Variants in CHCHD3 observed in about 807,000 individuals in gnomAD.
CHCHD3 encodes the protein MICOS complex subunit MIC19.
CHCHD3 carries 20 observed loss-of-function variants against 38.2 expected under a neutral mutation model. The ratio of observed to expected loss-of-function variants is 0.52; its 90% CI spans 0.37 to 0.76. The LOEUF is 0.76. Among genes scored for constraint, CHCHD3 ranks in the 30% least tolerant of loss-of-function variants. CHCHD3 has a pLI of 0.00. For synonymous variants in CHCHD3, 82 were observed against 100.0 expected, an observed-to-expected ratio of 0.82 and a Z score of 1.07; for missense variants, 245 against 279.2, an observed-to-expected ratio of 0.88 and a Z score of 0.87.
Position 133,035,191 on chromosome 7 carries a change from G to A in CHCHD3, c.170-10564C>T, listed in dbSNP as rs1562944454. 6.2e-7 allele frequency: 1 copy of A among 1,613,722 alleles called. No homozygotes were observed. Among genetic ancestry groups the A allele is most frequent in the Non-Finnish European group, 8.5e-7 (1 of 1,179,708 alleles). The stretch of plus-strand genomic sequence containing the variant: ...TTCTCCTCCTTCCGCTCAGCCTGGG[G>A]CTTCTGCTTCTCTTCCCGTGAACCC... On this transcript the variant is annotated intron_variant, in intron 2 of 7. Coordinates refer to ENST00000262570, the MANE Select transcript of CHCHD3 (RefSeq NM_017812.4). The surrounding 1 kb of genome is among the most constrained non-coding windows in gnomAD (Gnocchi z 4.7).
intron 3 of CHCHD3, among the ~76,000 whole-genome samples, chr7:132,984,680 G>C (rs573940354): frequency 1.3e-5 from 2 of 149,760 alleles, no homozygotes; most frequent in Admixed American, 6.6e-5. Context: ...CTGCCGCCCC[G>C]TCTGGGATGT....
At chr7:132,934,937 A>G (rs1810601182) in intron 4 of CHCHD3, among the ~76,000 whole-genome samples, 1 of 152,232 alleles carries the variant, frequency 6.6e-6, no homozygotes, top group Non-Finnish European at 1.5e-5. Context: ...TGGAGAAATA[A>G]TATTTTTGTA....
chr7:132,873,732 G>A (rs114255169), intron 5 of CHCHD3, among the ~76,000 whole-genome samples: 1 of 151,374 alleles, frequency 6.6e-6, no homozygotes, highest in South Asian at 2.1e-4. Context: ...TTCTATTTAG[G>A]TTAAAGATTG....
chr7:133,064,562 G>A (rs1814614083), intron 2 of CHCHD3, among the ~76,000 whole-genome samples: 3 of 152,166 alleles, frequency 2.0e-5, no homozygotes, highest in South Asian at 4.1e-4. Flanking sequence ...CAGATTCTGG[G>A]AGAAAAATAC....
At chr7:132,992,425 C>T in intron 3 of CHCHD3, among the ~76,000 whole-genome samples, 1 of 152,242 alleles carries the variant, frequency 6.6e-6, no homozygotes, top group East Asian at 1.9e-4. Flanking sequence ...CCCACAGAGC[C>T]TCTCCTCCAA....
In CHCHD3 at chr7:132,994,031, T is replaced by C. The variant is rs79470176; in HGVS notation, c.252-18745A>G. 4.8e-3 allele frequency among the ~76,000 whole-genome samples: 724 copies of C among 152,306 alleles called. 4 individuals carry two copies. The highest frequency in any genetic ancestry group is 5.6e-3 in the Non-Finnish European group (381 of 68,028). ...TTAAAGAATTTTAGGGCAGAGTTAA[T>C]AAGTAAAAAGTGCAAGATAGGGCAA... On this transcript the variant is annotated intron_variant, in intron 3 of 7. Transcript: ENST00000262570.
chr7:132,871,816 C>T (rs1256289064), intron 5 of CHCHD3, among the ~76,000 whole-genome samples: 1 of 152,184 alleles, frequency 6.6e-6, no homozygotes, highest in African/African-American at 2.4e-5. Flanking sequence ...TGCTCAACAT[C>T]CCCTCATCAT....
Position 132,788,860 on chromosome 7 carries a change from T to A in CHCHD3, c.661-3200A>T, listed in dbSNP as rs564993568. ...CCAGGGCTGATCTATAAACATTTTGTCAAACTGCACTCACTTGCTACCAAA... is the reference window on the plus strand; with the variant it reads ...CCAGGGCTGATCTATAAACATTTTGACAAACTGCACTCACTTGCTACCAAA... On this transcript the variant is annotated intron_variant, in intron 7 of 7. Transcript: ENST00000262570. This position sits in a 1 kb window ranked among gnomAD's most constrained non-coding sequence, Gnocchi z 4.0. 1.3e-5 allele frequency among the ~76,000 whole-genome samples: 2 copies of A among 152,282 alleles called. No individual in the cohort carries two copies. The highest frequency in any genetic ancestry group is 4.2e-4 in the South Asian group (2 of 4,816).
intron 2 of CHCHD3, among the ~76,000 whole-genome samples, chr7:133,040,579 T>C (rs1813807123): frequency 6.6e-6 from 1 of 152,214 alleles, no homozygotes; most frequent in African/African-American, 2.4e-5. Context: ...AGAAAATTTA[T>C]TGCCCCTCAC....
chr7:132,989,035 A>T (rs1224872605), intron 3 of CHCHD3, among the ~76,000 whole-genome samples: 2 of 152,208 alleles, frequency 1.3e-5, no homozygotes, highest in African/African-American at 4.8e-5. Context: ...GTACATCTAG[A>T]GATGATGTAA....
At chr7:133,034,021 T>C (rs1393181518) in intron 2 of CHCHD3, among the ~76,000 whole-genome samples, 1 of 152,218 alleles carries the variant, frequency 6.6e-6, no homozygotes, top group African/African-American at 2.4e-5. Flanking sequence ...ACTGTACAAA[T>C]GTTTTCATTA....
chr7:133,034,480 T>C, intron 2 of CHCHD3: 1 of 823,644 alleles, frequency 1.2e-6, no homozygotes, highest in South Asian at 1.9e-5. Flanking sequence ...ATAATTCTTT[T>C]CAAGTCCTTT....
intron 4 of CHCHD3, among the ~76,000 whole-genome samples, chr7:132,962,629 G>A (rs1176325653): frequency 6.6e-6 from 1 of 152,064 alleles, no homozygotes; most frequent in Non-Finnish European, 1.5e-5. Context: ...TTGAAGATAC[G>A]GGATCTATAC....
intron 3 of CHCHD3, among the ~76,000 whole-genome samples, chr7:132,977,793 A>C (rs1196203139): frequency 6.6e-6 from 1 of 151,774 alleles, no homozygotes; most frequent in African/African-American, 2.4e-5. Flanking sequence ...TTTCCATTTT[A>C]GTTTACTTAT....
chr7:133,053,425 A>G (rs1219696520), intron 2 of CHCHD3, among the ~76,000 whole-genome samples: 1 of 152,196 alleles, frequency 6.6e-6, no homozygotes, highest in African/African-American at 2.4e-5. Flanking sequence ...ACTCAAATTT[A>G]TACTTGGAAA....
chr7:132,837,318 G>C (rs1252700722), intron 6 of CHCHD3, among the ~76,000 whole-genome samples: 2 of 152,182 alleles, frequency 1.3e-5, no homozygotes, highest in East Asian at 3.9e-4. Flanking sequence ...AATATATGTA[G>C]AGTAACTTAA....
chr7:132,870,746 AACAG>A (rs960598215), intron 5 of CHCHD3, among the ~76,000 whole-genome samples: 2 of 152,178 alleles, frequency 1.3e-5, no homozygotes, highest in Non-Finnish European at 2.9e-5. Flanking sequence ...CAGGAACCTA[AACAG>A]ACAAACACCC....
chr7:133,078,692 T>A (rs1306103705), intron 1 of CHCHD3, among the ~76,000 whole-genome samples: 1 of 152,210 alleles, frequency 6.6e-6, no homozygotes, highest in Non-Finnish European at 1.5e-5. Context: ...AAATCCTAAG[T>A]CGAACCATCC....
At chr7:132,881,837 C>T (rs1809065548) in intron 5 of CHCHD3, among the ~76,000 whole-genome samples, 1 of 152,140 alleles carries the variant, frequency 6.6e-6, no homozygotes, top group Non-Finnish European at 1.5e-5. Flanking sequence ...ACTGCCATCA[C>T]AATACAGAAG....
Sources: allele counts gnomAD v4.1 joint callset (sites outside exome capture counted in the v4.1 genomes callset), GRCh38; gene constraint gnomAD v4.1.1; non-coding constraint Gnocchi (gnomAD v3.1); transcripts MANE v1.5; gene names NCBI Gene and HGNC (gene_info 2026-07-23, HGNC 2026-07-21).